LRRC9: variants seen among roughly 807,000 people sequenced by gnomAD.
LRRC9 encodes leucine-rich repeat-containing protein 9.
In LRRC9, 122 loss-of-function variants were observed where a neutral mutation model predicts 63.2. The observed-to-expected ratio is 1.93, with a 90% confidence interval of 1.67 to 2.24. The LOEUF is 2.24. Ranked by LOEUF, LRRC9 falls within the 30% of genes most tolerant of loss-of-function variation. LRRC9 has a pLI of 0.00. For missense variants in LRRC9, 1,071 were observed against 627.7 expected (o/e 1.71, Z -7.55); for synonymous variants, 366 against 213.1 (o/e 1.72, Z -6.25).
intron 29 of LRRC9, among the ~76,000 whole-genome samples, chr14:60,045,529 G>T (rs1422276459): frequency 6.6e-6 from 1 of 152,074 alleles, no homozygotes; most frequent in African/African-American, 2.4e-5. Context: ...GTGGTGTTTG[G>T]TTTTCTGTTC....
chr14:60,052,492 A>C lies in LRRC9; in HGVS notation c.3991-573A>C, dbSNP rs111783450. 4.1e-4 allele frequency among the ~76,000 whole-genome samples: 62 copies of C among 152,314 alleles called. 1 individual carries two copies. Among genetic ancestry groups the C allele is most frequent in the African/African-American group, 1.5e-3 (61 of 41,564 alleles). ...GGAAATGAGGTGCAGCATAAATCAT[A>C]TTGTTCGTATTAGCAGTCTAGGCAC... On this transcript the variant is annotated intron_variant, in intron 29 of 31. Coordinates refer to ENST00000445360, the Ensembl canonical transcript of LRRC9.
chr14:60,053,159 C>T lies in LRRC9; in HGVS notation c.4085C>T (p.Ala1362Val). 1.4e-6 allele frequency: 1 copy of T among 700,790 alleles called. No individual in the cohort carries two copies. Among genetic ancestry groups the T allele is most frequent in the South Asian group, 1.5e-5 (1 of 67,124 alleles). 43.4% of individuals were successfully genotyped at this position (700,790 alleles called of 1,614,324 possible). A position where few individuals can be genotyped will look rare whatever the true frequency, so the allele number is the denominator to read the frequency against. Residue 1362 changes from alanine to valine, a missense_variant, in exon 30 of 32, where the codon GCA becomes GTA. Coordinates refer to ENST00000445360, the Ensembl canonical transcript of LRRC9. This position sits in a 1 kb window ranked among gnomAD's most constrained non-coding sequence, Gnocchi z 4.8. The stretch of plus-strand genomic sequence containing the variant: ...AGTCCTGTGAATTCAGATGATAGGG[C>T]AAAAGCTGAATTTCACCTCGCTGAA...
chr14:59,965,028 C>G (rs1566822155), intron 10 of LRRC9, among the ~76,000 whole-genome samples: 1 of 152,212 alleles, frequency 6.6e-6, no homozygotes, highest in Non-Finnish European at 1.5e-5. Context: ...TTAGCTCACA[C>G]CCATTTCAGA....
chr14:59,940,020 T>G (rs1881587340), intron 7 of LRRC9, among the ~76,000 whole-genome samples: 1 of 151,866 alleles, frequency 6.6e-6, no homozygotes, highest in Non-Finnish European at 1.5e-5. Context: ...GTGTTAAATG[T>G]TGGGTAGAAG....
chr14:60,028,401 G>C (rs188820482), intron 28 of LRRC9, among the ~76,000 whole-genome samples: 26 of 152,044 alleles, frequency 1.7e-4, no homozygotes, highest in Admixed American at 1.4e-3. Context: ...GACTGCTCTT[G>C]GTCCAAGTTG....
At chr14:59,972,534 G>A (rs903029064) in intron 12 of LRRC9, among the ~76,000 whole-genome samples, 2 of 152,006 alleles carry the variant, frequency 1.3e-5, no homozygotes, top group Non-Finnish European at 2.9e-5. Flanking sequence ...TAACTCGAAT[G>A]TAAAAATCCT....
Position 60,004,753 on chromosome 14 carries a change from C to T in LRRC9, c.2842+955C>T, listed in dbSNP as rs1889672387. Reference sequence around the variant, plus strand: ...AGAAATTGAAAGAAGCTTTCCATGACTTGCTACCAACTTTCTCTTATTCTC... The same window carrying T: ...AGAAATTGAAAGAAGCTTTCCATGATTTGCTACCAACTTTCTCTTATTCTC... On this transcript the variant is annotated intron_variant, in intron 21 of 31. Transcript: ENST00000445360. The surrounding 1 kb of genome is among the most constrained non-coding windows in gnomAD (Gnocchi z 4.8). Among the ~76,000 whole-genome samples, 1 of 152,062 alleles carries T rather than the reference C, an allele frequency of 6.6e-6. No homozygotes were observed. The highest frequency in any genetic ancestry group is 2.1e-4 in the South Asian group (1 of 4,828).
chr14:59,928,772 A>C (rs1228319256), intron 3 of LRRC9, among the ~76,000 whole-genome samples: 1 of 152,096 alleles, frequency 6.6e-6, no homozygotes, highest in Non-Finnish European at 1.5e-5. Context: ...ATAAGGCCAC[A>C]CACCTACAAC....
chr14:60,006,651 A>G (rs1338176858), intron 22 of LRRC9, 34 bp downstream of exon 22: 7 of 581,960 alleles, frequency 1.2e-5, no homozygotes, highest in African/African-American at 1.9e-5. Context: ...TTTGTTTTTT[A>G]ACATGTATTG....
At chr14:60,066,680 C>G (rs1378180778), downstream of LRRC9, among the ~76,000 whole-genome samples, 1 of 152,172 alleles carries the variant, frequency 6.6e-6, no homozygotes, top group African/African-American at 2.4e-5. Context: ...CCTTTTAGAA[C>G]TAGGTCAGTA....
At chr14:60,064,120 T>A (rs309009), downstream of LRRC9, among the ~76,000 whole-genome samples, 1 of 152,244 alleles carries the variant, frequency 6.6e-6, no homozygotes, top group Admixed American at 6.5e-5. Flanking sequence ...GAAGAGAACA[T>A]GTATTCAAAC....
At chr14:59,984,700 T>C (rs1887274201) in intron 16 of LRRC9, among the ~76,000 whole-genome samples, 1 of 152,162 alleles carries the variant, frequency 6.6e-6, no homozygotes, top group Non-Finnish European at 1.5e-5. Context: ...TTTCCTGCCA[T>C]CTCTCTTGTG....
chr14:60,020,587 T>C (rs1021582416), intron 26 of LRRC9, among the ~76,000 whole-genome samples: 1 of 151,972 alleles, frequency 6.6e-6, no homozygotes, highest in African/African-American at 2.4e-5. Flanking sequence ...TTTATAACAT[T>C]TTCCATCTCA....
At position 59,978,063 on chromosome 14, in the gene LRRC9, C is replaced by A. The variant is rs1886504270; in HGVS notation, c.1809C>A (p.Cys603Ter). 1 of 702,072 alleles carries A rather than the reference C, an allele frequency of 1.4e-6. No individual in the cohort carries two copies. 43.5% of individuals were successfully genotyped at this position (702,072 alleles called of 1,614,324 possible). The change falls in exon 15 of 32, where the codon TGC (cysteine) becomes TGA (stop). Residue 603 changes from cysteine to a stop codon, truncating the protein, a stop_gained. Transcript: ENST00000445360. LOFTEE classifies it high-confidence loss of function. ...ACTGTGATTGCAGTGTTCGGCAGTGCAAGTGGTTTGTCTTTGATCATGACC... is the reference window on the plus strand; with the variant it reads ...ACTGTGATTGCAGTGTTCGGCAGTGAAAGTGGTTTGTCTTTGATCATGACC...
rs891271138 is a variant in LRRC9, at chr14:59,990,191, T to G, written c.2211+4967T>G. The stretch of plus-strand genomic sequence containing the variant: ...ATCTGCCCGCCTCGACCTCCCAAAG[T>G]GCTGGGATTACAGGCATGAGCCGCT... On this transcript the variant is annotated intron_variant, in intron 17 of 31. Coordinates refer to ENST00000445360, the Ensembl canonical transcript of LRRC9. The surrounding 1 kb of genome is among the most constrained non-coding windows in gnomAD (Gnocchi z 4.2). Among the ~76,000 whole-genome samples, 3 of 152,168 alleles carry G rather than the reference T, an allele frequency of 2.0e-5. No homozygotes were observed. Among genetic ancestry groups the G allele is most frequent in the Non-Finnish European group, 1.5e-5 (1 of 68,012 alleles).
chr14:60,066,382 T>G (rs1263293902), downstream of LRRC9, among the ~76,000 whole-genome samples: 3 of 152,132 alleles, frequency 2.0e-5, no homozygotes, highest in African/African-American at 7.2e-5. Context: ...TGGCTTCAAT[T>G]AAATATTACT....
In LRRC9 at chr14:60,031,996, A is replaced by G. The variant is rs943289031; in HGVS notation, c.3923A>G (p.Asp1308Gly). 37 of 700,190 alleles carry G rather than the reference A, an allele frequency of 5.3e-5. No individual in the cohort carries two copies. Among genetic ancestry groups the G allele is most frequent in the Non-Finnish European group, 8.6e-5 (33 of 383,470 alleles). The allele number at this position is 700,190 out of a possible 1,614,324, so 43.4% of individuals were successfully genotyped here. A position where few individuals can be genotyped will look rare whatever the true frequency, so the allele number is the denominator to read the frequency against. ...ACTTACTGATTAACTTTTGAATAGG[A>G]TATCACAGAACTGGAAAAACTTGAC... Residue 1308 changes from aspartate to glycine, a missense_variant and splice_region_variant, in exon 29 of 32, where the codon GAT becomes GGT. Transcript: ENST00000445360. This position sits in a 1 kb window ranked among gnomAD's most constrained non-coding sequence, Gnocchi z 4.6.
At chr14:60,050,694 T>C (rs1172896258) in intron 29 of LRRC9, among the ~76,000 whole-genome samples, 1 of 152,174 alleles carries the variant, frequency 6.6e-6, no homozygotes, top group Non-Finnish European at 1.5e-5. Context: ...GATTTTTTTC[T>C]CATTTTTAGG....
chr14:60,042,654 T>C lies in LRRC9; in HGVS notation c.3991-10411T>C, dbSNP rs1038929409. Reference sequence around the variant, plus strand: ...TTTTCCAGGTACTGCCTGTCATGGCTTCCCTTGGCTAGGAAAGGGAATTTC... The same window carrying C: ...TTTTCCAGGTACTGCCTGTCATGGCCTCCCTTGGCTAGGAAAGGGAATTTC... On this transcript the variant is annotated intron_variant, in intron 29 of 31. Coordinates refer to ENST00000445360, the Ensembl canonical transcript of LRRC9. The surrounding 1 kb of genome is among the most constrained non-coding windows in gnomAD (Gnocchi z 4.2). Among the ~76,000 whole-genome samples, 2 of 152,190 alleles carry C rather than the reference T, an allele frequency of 1.3e-5. No individual in the cohort carries two copies. The highest frequency in any genetic ancestry group is 2.9e-5 in the Non-Finnish European group (2 of 68,028).
Sources: allele counts gnomAD v4.1 joint callset (sites outside exome capture counted in the v4.1 genomes callset), GRCh38; gene constraint gnomAD v4.1.1; non-coding constraint Gnocchi (gnomAD v3.1); transcripts MANE v1.5; gene names NCBI Gene and HGNC (gene_info 2026-07-23, HGNC 2026-07-21).